SRI: variants seen among roughly 807,000 people sequenced by gnomAD.
SRI encodes sorcin.
Under a neutral mutation model 33.3 loss-of-function variants are expected in SRI, and 30 were observed. The observed-to-expected ratio is 0.90, with a 90% confidence interval of 0.67 to 1.22. The LOEUF is 1.22. SRI is among the 50% of genes most tolerant of loss of function. The pLI is 0.00. For synonymous variants in SRI, 75 were observed against 89.9 expected (o/e 0.83, Z 0.94); for missense variants, 243 against 250.8 (o/e 0.97, Z 0.21).
At chr7:88,210,543 A>G (rs916886899) in intron 4 of SRI, 3 of 385,942 alleles carry the variant, frequency 7.8e-6, no homozygotes, top group African/African-American at 2.1e-5. Flanking sequence ...CTGGATAGTC[A>G]GCACTACCTA....
chr7:88,210,971 A>T, intron 3 of SRI, 46 bp from the exon 4 acceptor site: 1 of 1,449,812 alleles, frequency 6.9e-7, no homozygotes, highest in East Asian at 2.3e-5. Flanking sequence ...AAATCCAAAA[A>T]TTCACATTAC....
chr7:88,218,987 TTTC>T (rs1197580807), intron 1 of SRI, 45 bp from the exon 2 acceptor site: 1 of 1,574,308 alleles, frequency 6.4e-7, no homozygotes, highest in Admixed American at 1.7e-5. Flanking sequence ...CGAATCAAGT[TTTC>T]TTCTTTCACC....
chr7:88,224,121 A>C (rs955192592), upstream of SRI, among the ~76,000 whole-genome samples: 2 of 152,246 alleles, frequency 1.3e-5, no homozygotes, highest in Non-Finnish European at 2.9e-5. Context: ...CTTGAAGAGC[A>C]GACCTAGCCA....
intron 3 of SRI, among the ~76,000 whole-genome samples, chr7:88,211,535 C>T (rs1586714289): frequency 6.6e-6 from 1 of 152,080 alleles, no homozygotes; most frequent in Non-Finnish European, 1.5e-5. Flanking sequence ...GTCACCATAA[C>T]GAACCATAAT....
At chr7:88,215,824 A>G (rs43097) in intron 3 of SRI, among the ~76,000 whole-genome samples, 25,829 of 152,208 alleles carry the variant, frequency 0.17, 3,091 homozygotes, top group East Asian at 0.53. Flanking sequence ...TGGGTCTTCA[A>G]TTTGATGTTT....
intron 3 of SRI, among the ~76,000 whole-genome samples, chr7:88,214,272 G>A (rs541445129): frequency 9.2e-5 from 14 of 152,336 alleles, no homozygotes; most frequent in South Asian, 2.1e-4. Context: ...CAGGCAAAGC[G>A]TAAGTGAATA....
In SRI at chr7:88,205,379, C is replaced by CTT. The variant is rs1851418599; in HGVS notation, c.*1097_*1098dup. ...CTCCCAAGAGATAACATATTATCTC[C>CTT]TTTTCAAAGATGGGGAAACTGAAAC... is the stretch of plus-strand genomic sequence containing the variant. On this transcript the variant is annotated 3_prime_UTR_variant, in exon 8 of 8. Transcript: ENST00000265729. 1 of 152,168 alleles carries CTT rather than the reference C, an allele frequency of 6.6e-6. No homozygotes were observed. Among genetic ancestry groups the CTT allele is most frequent in the African/African-American group, 2.4e-5 (1 of 41,422 alleles). The allele number at this position is 152,168 out of a possible 1,614,324, so 9.4% of individuals were successfully genotyped here. A position where few individuals can be genotyped will look rare whatever the true frequency, so the allele number is the denominator to read the frequency against.
upstream of SRI, among the ~76,000 whole-genome samples, chr7:88,221,822 A>G (rs1015038066): frequency 1.8e-4 from 27 of 146,400 alleles, no homozygotes; most frequent in African/African-American, 5.5e-4. Flanking sequence ...ATATCTCCCA[A>G]TGCTATCCCT....
At chr7:88,220,786 A>C (rs1482414869), upstream of SRI, among the ~76,000 whole-genome samples, 1 of 152,262 alleles carries the variant, frequency 6.6e-6, no homozygotes, top group Non-Finnish European at 1.5e-5. Flanking sequence ...TGATTCAGAC[A>C]AAACAATCCA....
chr7:88,224,460 A>G (rs1563480118), upstream of SRI, among the ~76,000 whole-genome samples: 6 of 152,192 alleles, frequency 3.9e-5, no homozygotes, highest in Admixed American at 2.6e-4. Context: ...TAAAGTTTCA[A>G]TTTTTGTTTA....
chr7:88,217,676 T>C (rs1005446081), intron 2 of SRI, among the ~76,000 whole-genome samples: 2 of 152,210 alleles, frequency 1.3e-5, no homozygotes, highest in African/African-American at 4.8e-5. Flanking sequence ...GAACTAGATA[T>C]ATGTGATTTT....
At chr7:88,225,108 C>T (rs1043750883) in intron 1 of SRI, among the ~76,000 whole-genome samples, 6 of 152,126 alleles carry the variant, frequency 3.9e-5, no homozygotes, top group African/African-American at 1.4e-4. Flanking sequence ...ACAGCAAGGG[C>T]AGTCATCAGC....
intron 6 of SRI, 48 bp from the exon 7 acceptor site, chr7:88,208,613 T>C (rs1321214902): frequency 6.2e-7 from 1 of 1,607,850 alleles, no homozygotes; most frequent in Admixed American, 1.7e-5. Context: ...AAATGGTTTT[T>C]CTAAAATCAT....
At chr7:88,214,872 A>G (rs1471929291) in intron 3 of SRI, 18 of 1,254,022 alleles carry the variant, frequency 1.4e-5, no homozygotes, top group Non-Finnish European at 1.9e-5. Context: ...AACATACAAT[A>G]TAATGGACCT....
At chr7:88,225,896 GATGTAAAT>G (rs1172759033) in intron 1 of SRI, among the ~76,000 whole-genome samples, 10 of 152,180 alleles carry the variant, frequency 6.6e-5, no homozygotes, top group Admixed American at 2.0e-4. Context: ...TGATGAACAA[GATGTAAAT>G]ATGCATGGCT....
intron 1 of SRI, chr7:88,219,152 G>A: frequency 1.7e-6 from 1 of 583,156 alleles, no homozygotes; most frequent in Non-Finnish European, 3.1e-6. Context: ...AGACCATAAA[G>A]AGTTGCTGTG....
intron 5 of SRI, 75 bp downstream of exon 5, chr7:88,209,908 A>G (rs780073258): frequency 1.3e-6 from 2 of 1,595,594 alleles, no homozygotes; most frequent in African/African-American, 2.7e-5. Context: ...GAGCCACTGC[A>G]CCCAGCCTGG....
intron 1 of SRI, among the ~76,000 whole-genome samples, chr7:88,225,440 G>T (rs1320807789): frequency 1.3e-5 from 2 of 152,190 alleles, no homozygotes; most frequent in Non-Finnish European, 2.9e-5. Context: ...AGAAGAGGCT[G>T]TCAGTGATGC....
intron 1 of SRI, among the ~76,000 whole-genome samples, chr7:88,225,593 ACTC>A (rs1228773168): frequency 6.6e-6 from 1 of 152,118 alleles, no homozygotes; most frequent in Non-Finnish European, 1.5e-5. Context: ...GGAAACTGAG[ACTC>A]TGACTTGCTG....
Sources: gnomAD v4.1 joint callset for allele counts (sites outside exome capture counted in the v4.1 genomes callset) on GRCh38, gnomAD v4.1.1 for gene constraint, MANE v1.5 for transcripts, NCBI Gene and HGNC (gene_info 2026-07-23, HGNC 2026-07-21) for gene names.